The following APTX variants were observed in gnomAD, a reference collection of about 807,000 sequenced individuals.
APTX encodes the protein forkhead-associated domain histidine triad-like protein.
A neutral mutation model predicts 42.3 loss-of-function variants in APTX; 33 were observed. That is an observed-to-expected ratio of 0.78 (90% CI 0.59 to 1.04). The LOEUF is 1.04. Among genes scored for constraint, APTX ranks in the 50% least tolerant of loss-of-function variants. The pLI, the probability that APTX is intolerant of heterozygous loss-of-function variation, is 0.00. For synonymous variants in APTX, 130 were observed against 146.7 expected (o/e 0.89, Z 0.82); for missense variants, 421 against 415.1 (o/e 1.01, Z -0.12).
intron 1 of APTX, chr9:33,024,864 G>GA (rs113305899): frequency 6.0e-5 from 3 of 49,708 alleles, no homozygotes; most frequent in East Asian, 7.9e-4. Context: ...CCGTAAGAGG[G>GA]GGGGGGGGGG....
At chr9:33,013,580 G>A (rs564356321) in intron 1 of APTX, among the ~76,000 whole-genome samples, 35 of 152,334 alleles carry the variant, frequency 2.3e-4, no homozygotes, top group African/African-American at 8.4e-4. Flanking sequence ...GCCAAGGCGG[G>A]CAGATCACAA....
chr9:33,001,681 C>T (rs749298145), upstream of APTX: 9 of 1,572,838 alleles, frequency 5.7e-6, no homozygotes, highest in African/African-American at 1.1e-4. Context: ...TCACCAGCAC[C>T]TCTCTAACGG....
chr9:32,985,571 G>A (rs183062013), intron 5 of APTX, among the ~76,000 whole-genome samples: 2 of 151,948 alleles, frequency 1.3e-5, no homozygotes, highest in African/African-American at 4.8e-5. Flanking sequence ...CCTGACCTCA[G>A]GTGATCCTCC....
rs746140316 is a variant in APTX at position 32,984,675 on chromosome 9, G to A, written c.726C>T (p.Ser242=). The A allele has an allele frequency of 1.9e-6, 3 of 1,614,090 alleles. No individual in the cohort carries two copies. The African/African-American group carries it at 4.0e-5, about 22-fold the overall frequency. The change falls in exon 6 of 8, where the codon AGC becomes AGT. Residue 242 remains serine, a synonymous_variant. Coordinates refer to ENST00000379817, the MANE Select transcript of APTX (RefSeq NM_001195248.2). ...EKVIVDFAGS[S]KLRFRLGYHA... The stretch of plus-strand genomic sequence containing the variant: ...GGTAGCCCAATCGGAAGCGGAGTTT[G>A]CTGGACCCAGCAAAATCTACAATCA...
chr9:33,001,725 C>A, upstream of APTX: 2 of 1,343,542 alleles, frequency 1.5e-6, no homozygotes, highest in East Asian at 2.5e-5. Flanking sequence ...CTTCCCAGAT[C>A]AAAAAGCGTC....
intron 1 of APTX, among the ~76,000 whole-genome samples, chr9:32,995,462 G>A (rs1046202235): frequency 6.6e-6 from 1 of 152,202 alleles, no homozygotes; most frequent in African/African-American, 2.4e-5. Flanking sequence ...AGAACCTGAA[G>A]ATGTGACTGA....
rs550339794 is a variant in APTX at position 32,999,779 on chromosome 9, T to C, written c.-5+1788A>G. On this transcript the variant is annotated intron_variant, in intron 1 of 7. Transcript: ENST00000379817. The stretch of plus-strand genomic sequence containing the variant: ...TTACGAGGTCAGGAGATCAAGACCA[T>C]CCTGGCTAACACGGTGAAACCCCGT... 9.9e-5 allele frequency among the ~76,000 whole-genome samples: 15 copies of C among 152,010 alleles called. No homozygotes were observed. The East Asian group carries it at 2.7e-3, about 28-fold the overall frequency.
intron 6 of APTX, among the ~76,000 whole-genome samples, chr9:32,982,006 A>AC (rs1563956404): frequency 6.6e-6 from 1 of 152,050 alleles, no homozygotes; most frequent in Non-Finnish European, 1.5e-5. Flanking sequence ...AAAAAAAAAA[A>AC]ACAGTAATTT....
chr9:32,981,184 G>A (rs1830600104), intron 6 of APTX, among the ~76,000 whole-genome samples: 1 of 152,182 alleles, frequency 6.6e-6, no homozygotes, highest in Non-Finnish European at 1.5e-5. Flanking sequence ...CTTCTCACAG[G>A]GGTATGGGTT....
At chr9:33,014,137 T>C (rs1158911690) in intron 1 of APTX, among the ~76,000 whole-genome samples, 2 of 152,220 alleles carry the variant, frequency 1.3e-5, no homozygotes, top group Admixed American at 1.3e-4. Flanking sequence ...GGCAAAGGCC[T>C]ACTCTGGCAC....
intron 7 of APTX, among the ~76,000 whole-genome samples, chr9:32,973,902 C>CAAG (rs769365067): frequency 7.9e-5 from 12 of 151,998 alleles, no homozygotes; most frequent in Non-Finnish European, 1.8e-4. Flanking sequence ...GTTACTCTGT[C>CAAG]AAGAGCTCAT....
In APTX at chr9:32,973,818, T is replaced by G. The variant is rs939139290; in HGVS notation, c.875-166A>C. ...AGACTTCCCTCAGGCAAAATGAGCT[T>G]AATCAGATTATAAATATGAGCAACC... On this transcript the variant is annotated intron_variant, in intron 7 of 7. Transcript: ENST00000379817. 3 of 846,008 alleles carry G rather than the reference T, an allele frequency of 3.5e-6. No individual in the cohort carries two copies. In the African/African-American group the frequency reaches 5.1e-5, roughly 14 times the overall value. The allele number at this position is 846,008 out of a possible 1,614,324, so 52.4% of individuals were successfully genotyped here.
chr9:32,985,922 G>C, intron 5 of APTX, 49 bp downstream of exon 5: 1 of 1,470,068 alleles, frequency 6.8e-7, no homozygotes. Context: ...TCTGTGGAGT[G>C]GTCATTTACA....
intron 1 of APTX, among the ~76,000 whole-genome samples, chr9:33,013,668 A>C (rs78602420): frequency 6.6e-5 from 10 of 152,130 alleles, no homozygotes; most frequent in Admixed American, 6.5e-4. Flanking sequence ...TTAGCCGGGC[A>C]TGGTGGCAGG....
chr9:32,988,557 G>A (rs1470902031), intron 2 of APTX, among the ~76,000 whole-genome samples: 2 of 151,992 alleles, frequency 1.3e-5, no homozygotes, highest in African/African-American at 4.8e-5. Flanking sequence ...GCACATGCCT[G>A]TAGTCCCAGC....
At chr9:32,994,103 T>G (rs1054077255) in intron 1 of APTX, among the ~76,000 whole-genome samples, 1 of 152,212 alleles carries the variant, frequency 6.6e-6, no homozygotes, top group African/African-American at 2.4e-5. Context: ...AGTGATCTGA[T>G]AGACCACACA....
rs189423254 is a variant in APTX at position 33,014,899 on chromosome 9, A to T, written c.-5+10124T>A. On this transcript the variant is annotated intron_variant, in intron 1 of 6. Transcript: ENST00000436040. ...TATAAGCATCCCTGGGAGACATTCC[A>T]ATCTGATCTCCATTCTAGGAATAGT... 6.6e-5 allele frequency among the ~76,000 whole-genome samples: 10 copies of T among 152,342 alleles called. No individual in the cohort carries two copies. The East Asian group carries it at 1.9e-3, about 29-fold the overall frequency.
At chr9:32,978,227 G>A (rs112389618) in intron 6 of APTX, among the ~76,000 whole-genome samples, 2 of 152,194 alleles carry the variant, frequency 1.3e-5, no homozygotes, top group African/African-American at 4.8e-5. Context: ...GGGAAACTCA[G>A]CAAGGCCTGT....
chr9:33,003,764 G>C (rs1338180623), upstream of APTX, among the ~76,000 whole-genome samples: 1 of 152,054 alleles, frequency 6.6e-6, no homozygotes. Flanking sequence ...GACAGTATTT[G>C]CCCATTTGCG....
Sources: allele counts gnomAD v4.1 joint callset (sites outside exome capture counted in the v4.1 genomes callset), GRCh38; gene constraint gnomAD v4.1.1; transcripts MANE v1.5; gene names NCBI Gene and HGNC (gene_info 2026-07-23, HGNC 2026-07-21).